FGF10: variants seen among roughly 807,000 people sequenced by gnomAD.
FGF10 encodes fibroblast growth factor 10.
Under a neutral mutation model 19.8 loss-of-function variants are expected in FGF10, and 2 were observed. The observed-to-expected ratio is 0.10, with a 90% CI of 0.04 to 0.32. The LOEUF is 0.32. FGF10 is among the 10% of genes least tolerant of loss of function. The probability of loss-of-function intolerance (pLI) is 1.00; values close to 1 mark genes in which losing one functional copy is unlikely to be tolerated. For synonymous variants in FGF10, 112 were observed against 94.0 expected (o/e 1.19, Z -1.10); for missense variants, 191 against 246.3 (o/e 0.78, Z 1.50).
At chr5:44,353,157 A>G (rs1175055714) in intron 1 of FGF10, among the ~76,000 whole-genome samples, 1 of 151,592 alleles carries the variant, frequency 6.6e-6, no homozygotes, top group Non-Finnish European at 1.5e-5. Context: ...TGTCTTGTGA[A>G]CACTTTCTTC....
chr5:44,370,300 C>T (rs917210216), intron 1 of FGF10, among the ~76,000 whole-genome samples: 2 of 152,102 alleles, frequency 1.3e-5, no homozygotes, highest in Non-Finnish European at 2.9e-5. Context: ...TGTGGGCATT[C>T]TATCTCTAAG....
rs796673009 is a variant in FGF10 at position 44,364,536 on chromosome 5, A to G, written c.325+23822T>C. Among the ~76,000 whole-genome samples the G allele has an allele frequency of 1.3e-4, 20 of 151,982 alleles. 2 individuals carry two copies. The highest frequency in any genetic ancestry group is 4.8e-4 in the African/African-American group (20 of 41,512). On this transcript the variant is annotated intron_variant, in intron 1 of 2. Coordinates refer to ENST00000264664, the MANE Select transcript of FGF10 (RefSeq NM_004465.2). ...AAACCCAGGGCAGGCTCCTACCACA[A>G]AGAATTACCTGGTTCGAAATAGTGC... is the stretch of plus-strand genomic sequence containing the variant.
intron 1 of FGF10, among the ~76,000 whole-genome samples, chr5:44,351,985 C>T (rs778381384): frequency 3.0e-4 from 45 of 151,570 alleles, no homozygotes; most frequent in Non-Finnish European, 5.5e-4. Context: ...ATACTACTAA[C>T]TCAGTAGTAA....
chr5:44,344,566 C>CTGTG (rs1455840251), intron 1 of FGF10, among the ~76,000 whole-genome samples: 9 of 16,060 alleles, frequency 5.6e-4, no homozygotes, highest in East Asian at 1.6e-3. Flanking sequence ...GTTTTGTTTT[C>CTGTG]TCTGTGTGTG....
At chr5:44,357,092 C>T (rs537012909) in intron 1 of FGF10, among the ~76,000 whole-genome samples, 1 of 145,814 alleles carries the variant, frequency 6.9e-6, no homozygotes, top group East Asian at 2.1e-4. Flanking sequence ...ATCACCGACA[C>T]TACCTCCAAT....
At chr5:44,349,455 T>TATATATATATCAGA (rs1741181253) in intron 1 of FGF10, among the ~76,000 whole-genome samples, 1 of 35,998 alleles carries the variant, frequency 2.8e-5, no homozygotes, top group Non-Finnish European at 5.3e-5. Context: ...TATATATATA[T>TATATATATATCAGA]ATATATATAT....
intron 1 of FGF10, among the ~76,000 whole-genome samples, chr5:44,366,399 A>C (rs187939231): frequency 6.6e-6 from 1 of 152,104 alleles, no homozygotes; most frequent in East Asian, 1.9e-4. Flanking sequence ...AGACATGGCA[A>C]CATTAAGGAA....
chr5:44,354,648 TA>T (rs1309992847), intron 1 of FGF10, among the ~76,000 whole-genome samples: 1 of 151,480 alleles, frequency 6.6e-6, no homozygotes, highest in Non-Finnish European at 1.5e-5. Context: ...TTAAAATCTC[TA>T]AAAGCAGTGG....
At chr5:44,316,413 C>G (rs796334222) in intron 1 of FGF10, among the ~76,000 whole-genome samples, 18 of 152,248 alleles carry the variant, frequency 1.2e-4, no homozygotes, top group African/African-American at 4.3e-4. Context: ...CAATAGTTCT[C>G]AAATATGAAC....
chr5:44,336,490 C>T (rs933418898), intron 1 of FGF10, among the ~76,000 whole-genome samples: 4 of 152,134 alleles, frequency 2.6e-5, no homozygotes, highest in Admixed American at 6.6e-5. Context: ...CATATCACTT[C>T]ATTTCCCCAC....
intron 1 of FGF10, among the ~76,000 whole-genome samples, chr5:44,351,370 T>C (rs1741229023): frequency 1.3e-5 from 2 of 151,734 alleles, no homozygotes. Flanking sequence ...TTTTGATAAT[T>C]AGAGATTATA....
chr5:44,318,626 C>T (rs888172607), intron 1 of FGF10, among the ~76,000 whole-genome samples: 3 of 152,088 alleles, frequency 2.0e-5, no homozygotes, highest in African/African-American at 7.2e-5. Context: ...AAAAATAAGG[C>T]ACAATCATTG....
chr5:44,381,527 C>T lies in FGF10; in HGVS notation c.325+6831G>A, dbSNP rs568943914. Reference sequence around the variant, plus strand: ...TGAAAATAATGGAGTGAGGAAGGGACGATAAACTATTAGGGATTTACAATG... The same window carrying T: ...TGAAAATAATGGAGTGAGGAAGGGATGATAAACTATTAGGGATTTACAATG... On this transcript the variant is annotated intron_variant, in intron 1 of 2. Transcript: ENST00000264664. 5.6e-4 allele frequency among the ~76,000 whole-genome samples: 84 copies of T among 151,046 alleles called. 2 individuals carry two copies. Among genetic ancestry groups the T allele is most frequent in the Admixed American group, 1.5e-3 (23 of 15,202 alleles).
chr5:44,312,946 G>A (rs1362584789), intron 1 of FGF10, among the ~76,000 whole-genome samples: 1 of 152,056 alleles, frequency 6.6e-6, no homozygotes, highest in African/African-American at 2.4e-5. Flanking sequence ...TGAACTGCAA[G>A]TGGTATTGTA....
Position 44,365,350 on chromosome 5 carries a change from CAAAAA to C in FGF10, c.325+23003_325+23007del, listed in dbSNP as rs3060085. Among the ~76,000 whole-genome samples the C allele has an allele frequency of 6.4e-5, 8 of 124,732 alleles. No individual in the cohort carries two copies. In the East Asian group the frequency reaches 6.9e-4, roughly 11 times the overall value. 81.8% of individuals were successfully genotyped at this position (124,732 alleles called of 152,430 possible). A position where few individuals can be genotyped will look rare whatever the true frequency, so the allele number is the denominator to read the frequency against. On this transcript the variant is annotated intron_variant, in intron 1 of 2. Transcript: ENST00000264664. ...GTCAATTTCATCCTCAAATAATTTG[CAAAAA>C]AAAAAAAAAAAGAGAGAGGTAAAAA...
intron 1 of FGF10, among the ~76,000 whole-genome samples, chr5:44,353,699 A>G (rs60111230): frequency 0.029 from 4,390 of 151,586 alleles, 215 homozygotes; most frequent in African/African-American, 0.1. Flanking sequence ...GGAAAGTGGT[A>G]GAAGTTCCAC....
intron 1 of FGF10, 78 bp from the exon 2 acceptor site, chr5:44,310,608 T>C: frequency 1.8e-6 from 2 of 1,088,434 alleles, no homozygotes; most frequent in Admixed American, 3.9e-5. Context: ...AAAGAAACTA[T>C]TGAGTTGTTT....
chr5:44,374,099 G>T (rs1390886973), intron 1 of FGF10, among the ~76,000 whole-genome samples: 2 of 152,120 alleles, frequency 1.3e-5, no homozygotes, highest in Non-Finnish European at 2.9e-5. Flanking sequence ...TCCTCTGTAG[G>T]TTCTAGGGAG....
chr5:44,304,265 T>C lies in FGF10; in HGVS notation c.*730A>G, dbSNP rs920052781. Reference sequence around the variant, plus strand: ...TTTTAAAAACACTTTGTCGTGAACATGCATGTGGTGTGCTGAATAAAAAGA... The same window carrying C: ...TTTTAAAAACACTTTGTCGTGAACACGCATGTGGTGTGCTGAATAAAAAGA... On this transcript the variant is annotated 3_prime_UTR_variant, in exon 3 of 3. Coordinates refer to ENST00000264664, the MANE Select transcript of FGF10 (RefSeq NM_004465.2). 1 of 152,212 alleles carries C rather than the reference T, an allele frequency of 6.6e-6. No individual in the cohort carries two copies. The highest frequency in any genetic ancestry group is 1.5e-5 in the Non-Finnish European group (1 of 68,058). The allele number at this position is 152,212 out of a possible 1,614,324, so 9.4% of individuals were successfully genotyped here.
Sources: gnomAD v4.1 joint callset for allele counts (sites outside exome capture counted in the v4.1 genomes callset) on GRCh38, gnomAD v4.1.1 for gene constraint, MANE v1.5 for transcripts, NCBI Gene and HGNC (gene_info 2026-07-23, HGNC 2026-07-21) for gene names.